SKI: variants seen among roughly 807,000 people sequenced by gnomAD.
The protein encoded by SKI is ski oncogene.
Under a neutral mutation model 59.3 loss-of-function variants are expected in SKI, and 23 were observed. The observed-to-expected ratio is 0.39, with a 90% CI of 0.28 to 0.55. The LOEUF (loss-of-function observed/expected upper bound fraction) is 0.55, where lower values mean the gene tolerates loss of function less well. Among genes scored for constraint, SKI ranks in the 20% least tolerant of loss-of-function variants. SKI has a pLI of 0.67. For synonymous variants in SKI, 673 were observed against 488.6 expected (o/e 1.38, Z -4.98); for missense variants, 1,017 against 1,038.9 (o/e 0.98, Z 0.29).
chr1:2,273,439 A>G (rs1048896619), intron 1 of SKI, among the ~76,000 whole-genome samples: 3 of 152,124 alleles, frequency 2.0e-5, no homozygotes, highest in African/African-American at 7.2e-5. Flanking sequence ...GGGACTTCTC[A>G]GCTTGGCATG....
intron 1 of SKI, among the ~76,000 whole-genome samples, chr1:2,284,650 A>G (rs1639993150): frequency 6.6e-6 from 1 of 152,106 alleles, no homozygotes; most frequent in South Asian, 2.1e-4. Context: ...CTGTGACTGC[A>G]TGGGCCTCTT....
In SKI at chr1:2,303,506, C is replaced by T. The variant is rs1050988549; in HGVS notation, c.1211+106C>T. 8 of 1,028,366 alleles carry T rather than the reference C, an allele frequency of 7.8e-6. No individual in the cohort carries two copies. The highest frequency in any genetic ancestry group is 1.0e-5 in the Non-Finnish European group (7 of 681,300). The allele number at this position is 1,028,366 out of a possible 1,614,324, so 63.7% of individuals were successfully genotyped here. A position where few individuals can be genotyped will look rare whatever the true frequency, so the allele number is the denominator to read the frequency against. ...CTGCAGGCTGGGTGCCCAGACCTGCCGCCTTTTGGTCAGGGCAGTCTCGGT... is the reference window on the plus strand; with the variant it reads ...CTGCAGGCTGGGTGCCCAGACCTGCTGCCTTTTGGTCAGGGCAGTCTCGGT... On this transcript the variant is annotated intron_variant, in intron 3 of 6. Transcript: ENST00000378536. This position sits in a 1 kb window ranked among gnomAD's most constrained non-coding sequence, Gnocchi z 5.6.
intron 1 of SKI, among the ~76,000 whole-genome samples, chr1:2,272,235 C>T (rs1639638913): frequency 6.6e-6 from 1 of 152,246 alleles, no homozygotes; most frequent in East Asian, 1.9e-4. Flanking sequence ...TAAAAACCCA[C>T]TGAAAGGTCT....
At chr1:2,291,251 C>T (rs1405393669) in intron 1 of SKI, among the ~76,000 whole-genome samples, 1 of 152,256 alleles carries the variant, frequency 6.6e-6, no homozygotes, top group African/African-American at 2.4e-5. Flanking sequence ...AGTGTGTCCC[C>T]TGGGGGACCT....
intron 1 of SKI, among the ~76,000 whole-genome samples, chr1:2,235,342 C>T (rs1638730315): frequency 6.6e-6 from 1 of 152,230 alleles, no homozygotes; most frequent in Non-Finnish European, 1.5e-5. Flanking sequence ...CTGTGCCTGG[C>T]CCCTGGAGTG....
Position 2,303,193 on chromosome 1 carries a change from G to A in SKI, c.1095+90G>A, listed in dbSNP as rs2279702. On this transcript the variant is annotated intron_variant, in intron 2 of 6. Coordinates refer to ENST00000378536, the MANE Select transcript of SKI (RefSeq NM_003036.4). The surrounding 1 kb of genome is among the most constrained non-coding windows in gnomAD (Gnocchi z 5.6). Reference sequence around the variant, plus strand: ...CAGCGGCTGGCAGCTCCACCTGCCCGCTACTGAGGGCTGGCACCCGGCGCA... The same window carrying A: ...CAGCGGCTGGCAGCTCCACCTGCCCACTACTGAGGGCTGGCACCCGGCGCA... The A allele has an allele frequency of 0.17, 264,456 of 1,598,466 alleles. 23,032 individuals are homozygous for A. Among genetic ancestry groups the A allele is most frequent in the Middle Eastern group, 0.19 (1,159 of 6,006 alleles).
intron 1 of SKI, among the ~76,000 whole-genome samples, chr1:2,253,752 G>T (rs1450152760): frequency 6.6e-6 from 1 of 152,234 alleles, no homozygotes; most frequent in African/African-American, 2.4e-5. Flanking sequence ...GGTCCCTCGT[G>T]CCCTGGTGCG....
At chr1:2,299,269 G>T (rs959783927) in intron 1 of SKI, among the ~76,000 whole-genome samples, 2 of 152,222 alleles carry the variant, frequency 1.3e-5, no homozygotes, top group African/African-American at 4.8e-5. Flanking sequence ...GGGGCCACAC[G>T]GGCAGGCGGG....
Position 2,270,862 on chromosome 1 carries a change from C to T in SKI, c.970-32116C>T, listed in dbSNP as rs958338840. 1.3e-5 allele frequency among the ~76,000 whole-genome samples: 2 copies of T among 152,202 alleles called. No individual in the cohort carries two copies. Among genetic ancestry groups the T allele is most frequent in the African/African-American group, 4.8e-5 (2 of 41,458 alleles). The stretch of plus-strand genomic sequence containing the variant: ...GGAGGTGCACAAGTTCACATTTGTC[C>T]CTCTCCTGCCCCAGGGCACCTGGCC... On this transcript the variant is annotated intron_variant, in intron 1 of 6. Coordinates refer to ENST00000378536, the MANE Select transcript of SKI (RefSeq NM_003036.4). The surrounding 1 kb of genome is among the most constrained non-coding windows in gnomAD (Gnocchi z 4.1).
At chr1:2,250,596 G>A (rs976362432) in intron 1 of SKI, among the ~76,000 whole-genome samples, 1 of 152,192 alleles carries the variant, frequency 6.6e-6, no homozygotes, top group Non-Finnish European at 1.5e-5. Flanking sequence ...ACTTTTTGCC[G>A]GTCATTTGAG....
intron 1 of SKI, among the ~76,000 whole-genome samples, chr1:2,260,234 G>A (rs1639356200): frequency 6.6e-6 from 1 of 152,210 alleles, no homozygotes; most frequent in Non-Finnish European, 1.5e-5. Context: ...TCTCCTTGAG[G>A]TTTAAGTTGC....
At chr1:2,299,006 C>T (rs940981193) in intron 1 of SKI, among the ~76,000 whole-genome samples, 24 of 152,246 alleles carry the variant, frequency 1.6e-4, no homozygotes, top group South Asian at 4.2e-4. Flanking sequence ...GGGTGGATGC[C>T]GGGTGGTCGT....
Position 2,304,563 on chromosome 1 carries a change from A to G in SKI, c.1745A>G (p.Gln582Arg), listed in dbSNP as rs756190455. The change falls in exon 5 of 7, where the codon CAG (glutamine) becomes CGG (arginine). Residue 582 changes from glutamine to arginine, a missense_variant. Transcript: ENST00000378536. Reference protein sequence around the residue: ...KQEEKLSAALQAKRSLHQELE... With the variant: ...KQEEKLSAALRAKRSLHQELE... ...GAGGAGAAGCTCAGCGCAGCCCTGC[A>G]GGCCAAGCGCAGCCTCCACCAGGTG... The G allele has an allele frequency of 1.9e-6, 3 of 1,563,984 alleles. No homozygotes were observed. Among genetic ancestry groups the G allele is most frequent in the Non-Finnish European group, 8.7e-7 (1 of 1,155,190 alleles).
At chr1:2,283,490 T>C (rs569569697) in intron 1 of SKI, among the ~76,000 whole-genome samples, 1 of 152,308 alleles carries the variant, frequency 6.6e-6, no homozygotes, top group Non-Finnish European at 1.5e-5. Flanking sequence ...CCTGCAACCA[T>C]GTGGGCCGGG....
chr1:2,230,788 G>A lies in SKI; in HGVS notation c.969+1053G>A, dbSNP rs562181311. Among the ~76,000 whole-genome samples, 4 of 152,306 alleles carry A rather than the reference G, an allele frequency of 2.6e-5. No individual in the cohort carries two copies. In the East Asian group the frequency reaches 7.7e-4, roughly 29 times the overall value. ...TGCATTGGCTCAGCTATTCTTGGGA[G>A]GCCTAATTAATTCAGCTATTGCATC... On this transcript the variant is annotated intron_variant, in intron 1 of 6. Coordinates refer to ENST00000378536, the MANE Select transcript of SKI (RefSeq NM_003036.4).
chr1:2,228,812 G>A lies in SKI; in HGVS notation c.46G>A (p.Gly16Arg). Residue 16 changes from glycine to arginine, a missense_variant, in exon 1 of 7, where the codon GGG becomes AGG. Coordinates refer to ENST00000378536, the MANE Select transcript of SKI (RefSeq NM_003036.4). ...GGRGCFQPHP[G>R]LQKTLEQFHL... ...CCGCGGCTGTTTCCAGCCGCACCCG[G>A]GGCTGCAGAAGACGCTGGAGCAGTT... 1 of 1,368,376 alleles carries A rather than the reference G, an allele frequency of 7.3e-7. No homozygotes were observed. Among genetic ancestry groups the A allele is most frequent in the Non-Finnish European group, 9.5e-7 (1 of 1,050,570 alleles). The allele number at this position is 1,368,376 out of a possible 1,614,324, so 84.8% of individuals were successfully genotyped here.
chr1:2,301,004 T>C (rs1184771415), intron 1 of SKI, among the ~76,000 whole-genome samples: 1 of 152,202 alleles, frequency 6.6e-6, no homozygotes, highest in Non-Finnish European at 1.5e-5. Context: ...TCTGACTCTT[T>C]CCCCTCAAGG....
chr1:2,277,378 T>C (rs888781440), intron 1 of SKI, among the ~76,000 whole-genome samples: 2 of 152,178 alleles, frequency 1.3e-5, no homozygotes, highest in African/African-American at 4.8e-5. Context: ...GGGGAGGCAA[T>C]TGAATCATCG....
chr1:2,262,692 T>G (rs143233508), intron 1 of SKI, among the ~76,000 whole-genome samples: 124 of 152,308 alleles, frequency 8.1e-4, no homozygotes, highest in Admixed American at 2.4e-3. Flanking sequence ...GGTTCCTAGT[T>G]TGATCAGGAA....
Sources: gnomAD v4.1 joint callset for allele counts (sites outside exome capture counted in the v4.1 genomes callset) on GRCh38, gnomAD v4.1.1 for gene constraint, Gnocchi (gnomAD v3.1) non-coding constraint, MANE v1.5 for transcripts, NCBI Gene and HGNC (gene_info 2026-07-23, HGNC 2026-07-21) for gene names.